The following DAPK1 variants were observed in gnomAD, a reference collection of about 807,000 sequenced individuals.
DAPK1 encodes the protein death associated protein kinase 1, also known as death-associated protein kinase 1.
A neutral mutation model predicts 144.9 loss-of-function variants in DAPK1; 56 were observed. The observed-to-expected ratio is 0.39, with a 90% confidence interval of 0.31 to 0.48. The LOEUF (loss-of-function observed/expected upper bound fraction) is 0.48, where lower values mean the gene tolerates loss of function less well. Among genes scored for constraint, DAPK1 ranks in the 20% least tolerant of loss-of-function variants. DAPK1 has a pLI of 0.95. For synonymous variants in DAPK1, 690 were observed against 749.0 expected, an observed-to-expected ratio of 0.92 and a Z score of 1.29; for missense variants, 1,454 against 1,875.4, an observed-to-expected ratio of 0.78 and a Z score of 4.15.
chr9:87,596,065 A>G (rs1362106133), intron 2 of DAPK1, among the ~76,000 whole-genome samples: 3 of 152,186 alleles, frequency 2.0e-5, no homozygotes, highest in Non-Finnish European at 4.4e-5. Flanking sequence ...CAGAAAGAGA[A>G]TAACTCCAGG....
At chr9:87,545,243 C>T (rs1342241826) in intron 2 of DAPK1, among the ~76,000 whole-genome samples, 2 of 152,154 alleles carry the variant, frequency 1.3e-5, no homozygotes, top group African/African-American at 4.8e-5. Flanking sequence ...ACCAGGCTCC[C>T]GGGTGCAGGG....
chr9:87,512,927 A>G (rs568069030), intron 2 of DAPK1, among the ~76,000 whole-genome samples: 6 of 152,278 alleles, frequency 3.9e-5, no homozygotes, highest in African/African-American at 1.4e-4. Context: ...GATTACAGAC[A>G]TGAGCCACCA....
Position 87,622,890 on chromosome 9 carries a change from G to A in DAPK1, c.285-15053G>A, listed in dbSNP as rs527382040. On this transcript the variant is annotated intron_variant, in intron 3 of 25. Coordinates refer to ENST00000408954, the MANE Select transcript of DAPK1 (RefSeq NM_004938.4). ...TGCACCACTGCACCCCAGCCTGGGC[G>A]GCAGAGTGAGACTCCATCTCTAAAA... Among the ~76,000 whole-genome samples, 19 of 151,992 alleles carry A rather than the reference G, an allele frequency of 1.3e-4. No homozygotes were observed. The South Asian group carries it at 2.1e-3, about 17-fold the overall frequency.
intron 3 of DAPK1, chr9:87,632,471 T>C: frequency 1.0e-6 from 1 of 979,948 alleles, no homozygotes; most frequent in Non-Finnish European, 1.2e-6. Context: ...TATATAGGAA[T>C]GAAGGGTGAT....
chr9:87,567,414 G>A (rs1016656942), intron 2 of DAPK1, among the ~76,000 whole-genome samples: 8 of 152,046 alleles, frequency 5.3e-5, no homozygotes, highest in Admixed American at 1.3e-4. Context: ...GGAATGGGGC[G>A]TGGGGAAGAA....
intron 17 of DAPK1, among the ~76,000 whole-genome samples, chr9:87,655,116 G>A (rs1830586870): frequency 6.6e-6 from 1 of 152,208 alleles, no homozygotes; most frequent in Admixed American, 6.5e-5. Context: ...GTCATTGAAT[G>A]AAGCTCAGCT....
chr9:87,605,561 C>T (rs1042269587), intron 3 of DAPK1, among the ~76,000 whole-genome samples: 1 of 152,082 alleles, frequency 6.6e-6, no homozygotes, highest in Non-Finnish European at 1.5e-5. Flanking sequence ...TGCCTTTCTT[C>T]CTCTGTTCTC....
rs540183904 is a variant in DAPK1, at chr9:87,521,404, C to T, written c.62+22265C>T. ...GGTGCTGAATGTATGATTAGAGATT[C>T]AGTGAATATTGGTGAGATGGATGAA... On this transcript the variant is annotated intron_variant, in intron 2 of 25. Transcript: ENST00000408954. 2.0e-5 allele frequency among the ~76,000 whole-genome samples: 3 copies of T among 152,312 alleles called. No homozygotes were observed. The South Asian group carries it at 6.2e-4, about 32-fold the overall frequency.
intron 19 of DAPK1, among the ~76,000 whole-genome samples, chr9:87,672,408 T>G (rs1824205555): frequency 6.6e-6 from 1 of 152,142 alleles, no homozygotes; most frequent in African/African-American, 2.4e-5. Flanking sequence ...GACCTGGAAA[T>G]ACCTGTGATC....
chr9:87,549,968 G>T (rs1826414831), intron 2 of DAPK1, among the ~76,000 whole-genome samples: 1 of 152,072 alleles, frequency 6.6e-6, no homozygotes, highest in African/African-American at 2.4e-5. Flanking sequence ...TCCTTTTAAG[G>T]CTTCGTCATG....
intron 22 of DAPK1, chr9:87,698,418 C>A (rs1825333582): frequency 4.6e-6 from 2 of 433,524 alleles, no homozygotes; most frequent in Admixed American, 7.9e-5. Flanking sequence ...TCATTCTGGT[C>A]CACTTTGAGC....
chr9:87,681,401 C>T lies in DAPK1; in HGVS notation c.2002-3C>T. The T allele has an allele frequency of 6.4e-7, 1 of 1,551,964 alleles. No individual in the cohort carries two copies. Among genetic ancestry groups the T allele is most frequent in the South Asian group, 1.1e-5 (1 of 89,494 alleles). ...TCACTGGCTCTTTCTCATCCATGCT[C>T]AGGATACGCACCGAGGACTCTTCAT... On this transcript the variant is annotated splice_polypyrimidine_tract_variant and splice_region_variant and intron_variant, in intron 19 of 25. Transcript: ENST00000408954.
intron 3 of DAPK1, among the ~76,000 whole-genome samples, chr9:87,624,562 G>A (rs993581994): frequency 6.6e-6 from 1 of 152,224 alleles, no homozygotes; most frequent in African/African-American, 2.4e-5. Flanking sequence ...CAAAGGGTTT[G>A]CAGCCATCTT....
At chr9:87,640,591 C>T in intron 8 of DAPK1, 141 bp downstream of exon 8, 2 of 1,092,814 alleles carry the variant, frequency 1.8e-6, no homozygotes, top group Non-Finnish European at 2.6e-6. Flanking sequence ...TGAAACGCTT[C>T]AGAAAATGCA....
chr9:87,687,203 G>A (rs558209019), intron 21 of DAPK1, among the ~76,000 whole-genome samples: 19 of 152,142 alleles, frequency 1.2e-4, no homozygotes, highest in African/African-American at 4.1e-4. Flanking sequence ...ACCCTATTCT[G>A]CTATTGAACA....
intron 3 of DAPK1, among the ~76,000 whole-genome samples, chr9:87,623,611 C>T (rs755537295): frequency 3.3e-5 from 5 of 152,080 alleles, no homozygotes; most frequent in African/African-American, 9.6e-5. Context: ...CATTGGGGAC[C>T]GGGTGCAGTG....
intron 2 of DAPK1, among the ~76,000 whole-genome samples, chr9:87,542,184 C>T (rs1222893312): frequency 6.6e-6 from 1 of 152,182 alleles, no homozygotes; most frequent in African/African-American, 2.4e-5. Flanking sequence ...CCCAGATTAG[C>T]AGTGAAAGAT....
chr9:87,649,031 A>G (rs1830357939), intron 15 of DAPK1, 152 bp downstream of exon 15: 2 of 667,846 alleles, frequency 3.0e-6, no homozygotes, highest in Admixed American at 2.6e-5. Context: ...GGACTCAAAC[A>G]GAAGTACTAG....
chr9:87,652,441 C>T (rs11141926), intron 17 of DAPK1, among the ~76,000 whole-genome samples: 2 of 95,380 alleles, frequency 2.1e-5, no homozygotes, highest in Admixed American at 1.0e-4. Flanking sequence ...CACCTGATCC[C>T]GGGTCCTGAT....
Sources: allele counts gnomAD v4.1 joint callset (sites outside exome capture counted in the v4.1 genomes callset), GRCh38; gene constraint gnomAD v4.1.1; transcripts MANE v1.5; gene names NCBI Gene and HGNC (gene_info 2026-07-23, HGNC 2026-07-21).